The following PLCH2 variants were observed in gnomAD, a reference collection of about 807,000 sequenced individuals.
PLCH2 encodes phospholipase C eta 2, also known as 1-phosphatidylinositol 4,5-bisphosphate phosphodiesterase eta-2.
PLCH2 carries 98 observed loss-of-function variants against 134.7 expected under a neutral mutation model. The ratio of observed to expected loss-of-function variants is 0.73; its 90% CI spans 0.62 to 0.86. PLCH2 has a LOEUF of 0.86. PLCH2 is among the 40% of genes least tolerant of loss of function. PLCH2 has a pLI of 0.00. For synonymous variants in PLCH2, 974 were observed against 827.5 expected (o/e 1.18, Z -3.04); for missense variants, 1,994 against 1,986.6 (o/e 1.00, Z -0.07).
chr1:2,444,048 G>T lies in PLCH2; in HGVS notation c.115+13419G>T, dbSNP rs1639821440. On this transcript the variant is annotated intron_variant, in intron 2 of 3. Transcript: ENST00000609981. This position sits in a 1 kb window ranked among gnomAD's most constrained non-coding sequence, Gnocchi z 4.6. Reference sequence around the variant, plus strand: ...GACGCGCGGGGGCGCCGCAGCCCTGGTGCGGGTCGGGGCTGAGCCGCCTGG... The same window carrying T: ...GACGCGCGGGGGCGCCGCAGCCCTGTTGCGGGTCGGGGCTGAGCCGCCTGG... Among the ~76,000 whole-genome samples, 1 of 152,164 alleles carries T rather than the reference G, an allele frequency of 6.6e-6. No individual in the cohort carries two copies. Among genetic ancestry groups the T allele is most frequent in the Non-Finnish European group, 1.5e-5 (1 of 68,006 alleles).
At chr1:2,422,068 T>G (rs1027579197), upstream of PLCH2, among the ~76,000 whole-genome samples, 5 of 151,812 alleles carry the variant, frequency 3.3e-5, no homozygotes, top group African/African-American at 4.8e-5. Flanking sequence ...GCCAGGAGTT[T>G]GAGACCATCC....
In PLCH2 at chr1:2,478,474, A is replaced by G; in HGVS notation, c.125-2A>G. The G allele has an allele frequency of 6.2e-7, 1 of 1,612,626 alleles. No homozygotes were observed. Among genetic ancestry groups the G allele is most frequent in the Non-Finnish European group, 8.5e-7 (1 of 1,179,736 alleles). On this transcript the variant is annotated splice_acceptor_variant, in intron 1 of 21. Transcript: ENST00000378486. LOFTEE classifies it high-confidence loss of function. ...TGACAGCCGTGTCTCTCCCGTGTCC[A>G]GTGGAGCGGTGCATGGGTGCCATGC...
In PLCH2 at chr1:2,505,467, G is replaced by C. The variant is rs1319206811; in HGVS notation, c.*254G>C. On this transcript the variant is annotated 3_prime_UTR_variant, in exon 22 of 22. Coordinates refer to ENST00000378486, the MANE Select transcript of PLCH2 (RefSeq NM_014638.4). ...CCCGGCGTTTTAGGATCTGTACATA[G>C]AGAAATATTTAAATTTTTAGAAGCA... 18 of 530,404 alleles carry C rather than the reference G, an allele frequency of 3.4e-5. No individual in the cohort carries two copies. In the East Asian group the frequency reaches 3.9e-4, roughly 12 times the overall value. The allele number at this position is 530,404 out of a possible 1,614,324, so 32.9% of individuals were successfully genotyped here.
intron 2 of PLCH2, among the ~76,000 whole-genome samples, chr1:2,453,695 C>T (rs1479738132): frequency 1.3e-5 from 2 of 152,216 alleles, no homozygotes; most frequent in Non-Finnish European, 2.9e-5. Flanking sequence ...AAGTGCACCC[C>T]AGTGCCTGCT....
chr1:2,431,646 T>C (rs1425726351), intron 2 of PLCH2, among the ~76,000 whole-genome samples: 2 of 152,118 alleles, frequency 1.3e-5, no homozygotes, highest in Non-Finnish European at 2.9e-5. Context: ...CCAGCGGTCC[T>C]ATATGCAGAA....
At position 2,503,939 on chromosome 1, in the gene PLCH2, A is replaced by G; in HGVS notation, c.2977A>G (p.Thr993Ala). 1 of 806,022 alleles carries G rather than the reference A, an allele frequency of 1.2e-6. No homozygotes were observed. Among genetic ancestry groups the G allele is most frequent in the Non-Finnish European group, 1.6e-6 (1 of 636,432 alleles). The allele number at this position is 806,022 out of a possible 1,614,324, so 49.9% of individuals were successfully genotyped here. The change falls in exon 22 of 22, where the codon ACG becomes GCG. Residue 993 changes from threonine (T) to alanine (A), a missense_variant. Thr to Ala is a moderately conservative substitution (Grantham distance 58). Coordinates refer to ENST00000378486, the MANE Select transcript of PLCH2 (RefSeq NM_014638.4). ...GSPRDTRPLS[T>A]QRPLPPLCSL... is the part of the protein sequence containing the mutation. ...CCCCACAGACACCCGCCCCCTCTCC[A>G]CGCAGCGGCCACTCCCCCCACTGTG...
intron 1 of PLCH2, among the ~76,000 whole-genome samples, chr1:2,427,812 GGGGGTGGGAGCCCTCCA>G (rs1160322588): frequency 3.3e-5 from 5 of 151,842 alleles, no homozygotes; most frequent in Non-Finnish European, 5.9e-5. Context: ...GGAGCCCTCC[GGGGGTGGGAGCCCTCCA>G]GGGGTGGGAG....
upstream of PLCH2, among the ~76,000 whole-genome samples, chr1:2,462,581 C>A (rs868194336): frequency 6.6e-6 from 1 of 152,134 alleles, no homozygotes; most frequent in Admixed American, 6.5e-5. Flanking sequence ...CTGGGTGGCC[C>A]GTGGTCAGTC....
chr1:2,476,670 G>C lies in PLCH2; in HGVS notation c.82G>C (p.Gly28Arg). 1 of 1,610,796 alleles carries C rather than the reference G, an allele frequency of 6.2e-7. No individual in the cohort carries two copies. Among genetic ancestry groups the C allele is most frequent in the Non-Finnish European group, 8.5e-7 (1 of 1,179,160 alleles). The change falls in exon 1 of 22, where the codon GGG becomes CGG. Residue 28 changes from glycine (G) to arginine (R), a missense_variant. Physicochemically the swap from Gly to Arg is moderately radical, Grantham distance 125. Transcript: ENST00000378486. ...GGCGGAGGTACTCCTCTGGGTTGGA[G>C]GGAGTGTGGTGCTGTCTTCAGAGTG... ...WLAEVLLWVG[G>R]SVVLSSEWQL... is the part of the protein sequence containing the mutation.
chr1:2,477,055 C>T (rs918030837), intron 1 of PLCH2, among the ~76,000 whole-genome samples: 1 of 152,150 alleles, frequency 6.6e-6, no homozygotes, highest in Non-Finnish European at 1.5e-5. Flanking sequence ...GCAGCCCAGG[C>T]GGCTGGGCTG....
intron 11 of PLCH2, chr1:2,494,576 G>C: frequency 1.8e-6 from 1 of 557,272 alleles, no homozygotes; most frequent in Non-Finnish European, 3.2e-6. Flanking sequence ...ACACATGAGA[G>C]ACGCTGAGGC....
chr1:2,471,988 A>G (rs1002627390), upstream of PLCH2, among the ~76,000 whole-genome samples: 2 of 152,248 alleles, frequency 1.3e-5, no homozygotes, highest in South Asian at 4.1e-4. Context: ...GGTGCCCTCC[A>G]GGTGTGCCTA....
intron 2 of PLCH2, among the ~76,000 whole-genome samples, chr1:2,455,228 G>T (rs993428801): frequency 6.6e-6 from 1 of 152,194 alleles, no homozygotes; most frequent in Non-Finnish European, 1.5e-5. Context: ...GAGCTAGGAC[G>T]GGCGGGCACC....
upstream of PLCH2, among the ~76,000 whole-genome samples, chr1:2,465,598 C>G (rs1641021366): frequency 6.6e-6 from 1 of 152,242 alleles, no homozygotes; most frequent in Non-Finnish European, 1.5e-5. Flanking sequence ...CCGCCACCTG[C>G]CACCCGCCGG....
chr1:2,461,516 G>A (rs897436950), intron 2 of PLCH2, among the ~76,000 whole-genome samples: 2 of 152,160 alleles, frequency 1.3e-5, no homozygotes, highest in Non-Finnish European at 2.9e-5. Context: ...TCAGGGCAGA[G>A]CCTTCCCGAA....
At chr1:2,500,659 C>T (rs963960094) in intron 20 of PLCH2, 1 of 152,274 alleles carries the variant, frequency 6.6e-6, no homozygotes, top group Non-Finnish European at 1.5e-5. Flanking sequence ...TGGAGACTGT[C>T]GCTCATGTGA....
Position 2,444,453 on chromosome 1 carries a change from C to T in PLCH2, c.115+13824C>T, listed in dbSNP as rs896922201. ...CCCCACACTAGCAGGTGGGGTGCAG[C>T]GGGCACTGCCCGGGCAGGCGGGAGC... On this transcript the variant is annotated intron_variant, in intron 2 of 3. Transcript: ENST00000609981. This position sits in a 1 kb window ranked among gnomAD's most constrained non-coding sequence, Gnocchi z 4.6. Among the ~76,000 whole-genome samples the T allele has an allele frequency of 6.6e-6, 1 of 152,148 alleles. No individual in the cohort carries two copies. The highest frequency in any genetic ancestry group is 1.5e-5 in the Non-Finnish European group (1 of 67,998).
In PLCH2 at chr1:2,480,285, C is replaced by A; in HGVS notation, c.618C>A (p.Pro206=). Residue 206 remains proline, a synonymous_variant, in exon 4 of 22, where the codon CCC becomes CCA. Coordinates refer to ENST00000378486, the MANE Select transcript of PLCH2 (RefSeq NM_014638.4). ...QLLHKLNVNL[P]RQRVKQMFRE... is the part of the protein sequence containing the mutation. Reference sequence around the variant, plus strand: ...TGCACAAGCTCAACGTGAACCTGCCCCGGCAGAGGGTGAAGCAGATGTTCA... The same window carrying A: ...TGCACAAGCTCAACGTGAACCTGCCACGGCAGAGGGTGAAGCAGATGTTCA... 1 of 1,612,664 alleles carries A rather than the reference C, an allele frequency of 6.2e-7. No individual in the cohort carries two copies. Among genetic ancestry groups the A allele is most frequent in the Non-Finnish European group, 8.5e-7 (1 of 1,179,808 alleles).
At chr1:2,502,937 C>T (rs1270070848) in intron 21 of PLCH2, 2 of 717,122 alleles carry the variant, frequency 2.8e-6, no homozygotes, top group Non-Finnish European at 5.2e-6. Flanking sequence ...CTGCGTGGTC[C>T]TCCCGCACGC....
Sources: gnomAD v4.1 joint callset for allele counts (sites outside exome capture counted in the v4.1 genomes callset) on GRCh38, gnomAD v4.1.1 for gene constraint, Gnocchi (gnomAD v3.1) non-coding constraint, MANE v1.5 for transcripts, NCBI Gene and HGNC (gene_info 2026-07-23, HGNC 2026-07-21) for gene names.